DTNB: variants seen among roughly 807,000 people sequenced by gnomAD.
DTNB encodes dystrobrevin beta, also known as DTN-B.
DTNB carries 63 observed loss-of-function variants against 90.7 expected under a neutral mutation model. The observed-to-expected ratio is 0.69, with a 90% CI of 0.57 to 0.86. DTNB has a LOEUF of 0.86. Among genes scored for constraint, DTNB ranks in the 40% least tolerant of loss-of-function variants. The probability of loss-of-function intolerance (pLI) is 0.00; values close to 1 mark genes in which losing one functional copy is unlikely to be tolerated. For synonymous variants in DTNB, 277 were observed against 286.7 expected (o/e 0.97, Z 0.34); for missense variants, 744 against 807.1 (o/e 0.92, Z 0.95).
chr2:25,479,000 T>G lies in DTNB; in HGVS notation c.1079+3796A>C, dbSNP rs2064342426. Among the ~76,000 whole-genome samples the G allele has an allele frequency of 2.0e-5, 3 of 152,232 alleles. No individual in the cohort carries two copies. In the South Asian group the frequency reaches 6.2e-4, roughly 32 times the overall value. On this transcript the variant is annotated intron_variant, in intron 10 of 20. Coordinates refer to ENST00000406818, the MANE Select transcript of DTNB (RefSeq NM_021907.5). ...ATTCCAGCTGCTTTTGTGATCTGTGTACTCTTCTGCCCTTCCCTTTCTGCT... is the reference window on the plus strand; with the variant it reads ...ATTCCAGCTGCTTTTGTGATCTGTGGACTCTTCTGCCCTTCCCTTTCTGCT...
intron 8 of DTNB, among the ~76,000 whole-genome samples, chr2:25,557,653 G>C (rs2057583940): frequency 6.6e-6 from 1 of 152,208 alleles, no homozygotes; most frequent in African/African-American, 2.4e-5. Flanking sequence ...CAAGGGTGAA[G>C]GCCTGGGACT....
chr2:25,533,983 A>C (rs11691124), intron 8 of DTNB, among the ~76,000 whole-genome samples: 2 of 142,338 alleles, frequency 1.4e-5, no homozygotes, highest in Non-Finnish European at 3.0e-5. Context: ...TTGGAAATGC[A>C]GCGTTTATTT....
chr2:25,495,759 C>T (rs1164149636), intron 9 of DTNB, among the ~76,000 whole-genome samples: 1 of 152,116 alleles, frequency 6.6e-6, no homozygotes, highest in Non-Finnish European at 1.5e-5. Context: ...TTTTGGAAAA[C>T]CATGATGTTA....
In DTNB at chr2:25,588,428, T is replaced by C. The variant is rs372969231; in HGVS notation, c.604-7602A>G. Among the ~76,000 whole-genome samples the C allele has an allele frequency of 4.6e-5, 7 of 151,990 alleles. No homozygotes were observed. The East Asian group carries it at 1.2e-3, about 25-fold the overall frequency. ...ATTGCCAGGCTGGAGTGCAGTGGCA[T>C]GATCTCGGCTCACTGCAACCTCTGA... is the stretch of plus-strand genomic sequence containing the variant. On this transcript the variant is annotated intron_variant, in intron 6 of 20. Transcript: ENST00000406818.
intron 3 of DTNB, among the ~76,000 whole-genome samples, chr2:25,632,046 T>C (rs2075864447): frequency 6.6e-6 from 1 of 151,776 alleles, no homozygotes; most frequent in Non-Finnish European, 1.5e-5. Flanking sequence ...AATACAAAAA[T>C]TAGCCAGGTG....
intron 6 of DTNB, among the ~76,000 whole-genome samples, chr2:25,588,956 A>C (rs1278653573): frequency 6.6e-6 from 1 of 152,216 alleles, no homozygotes. Flanking sequence ...CCTTAATTAG[A>C]ATACCTATGA....
Position 25,577,012 on chromosome 2 carries a change from A to T in DTNB, c.710-8T>A. On this transcript the variant is annotated splice_region_variant and splice_polypyrimidine_tract_variant and intron_variant, in intron 7 of 20. Transcript: ENST00000406818. The stretch of plus-strand genomic sequence containing the variant: ...ACTCCACGGGATGGAAGACTTGTGG[A>T]CAGGAGAGAAAAGGGGAGAAAAAAG... 13 of 1,596,092 alleles carry T rather than the reference A, an allele frequency of 8.1e-6. No homozygotes were observed. The highest frequency in any genetic ancestry group is 1.1e-5 in the Non-Finnish European group (13 of 1,170,444).
intron 6 of DTNB, among the ~76,000 whole-genome samples, chr2:25,587,907 T>C (rs2062755477): frequency 6.6e-6 from 1 of 152,156 alleles, no homozygotes; most frequent in African/African-American, 2.4e-5. Flanking sequence ...CCATTATTTT[T>C]TTTTCTACCC....
At chr2:25,529,832 A>C (rs1005216075) in intron 9 of DTNB, among the ~76,000 whole-genome samples, 5 of 152,188 alleles carry the variant, frequency 3.3e-5, no homozygotes, top group East Asian at 3.8e-4. Flanking sequence ...TTAACCCTTG[A>C]TCAATCTCAG....
chr2:25,663,633 T>C (rs1188150448), intron 1 of DTNB, among the ~76,000 whole-genome samples: 2 of 152,214 alleles, frequency 1.3e-5, no homozygotes, highest in Non-Finnish European at 2.9e-5. Context: ...AGCACAGTTC[T>C]CCATATATTT....
intron 8 of DTNB, among the ~76,000 whole-genome samples, chr2:25,566,814 A>G (rs1035203851): frequency 1.3e-5 from 2 of 152,228 alleles, no homozygotes; most frequent in Admixed American, 1.3e-4. Context: ...AGAAATGTGC[A>G]GAGAAGCAGT....
intron 3 of DTNB, among the ~76,000 whole-genome samples, chr2:25,634,918 G>T (rs528645245): frequency 8.5e-6 from 1 of 118,158 alleles, no homozygotes; most frequent in Non-Finnish European, 1.9e-5. Flanking sequence ...CACAAACACT[G>T]CGGAAGGCCG....
chr2:25,429,066 A>T (rs1445125220), intron 14 of DTNB, among the ~76,000 whole-genome samples: 1 of 152,270 alleles, frequency 6.6e-6, no homozygotes, highest in East Asian at 1.9e-4. Context: ...GCCGCTAGCC[A>T]CGCGTGACTA....
Position 25,452,942 on chromosome 2 carries a change from C to T in DTNB, c.1170-1307G>A, listed in dbSNP as rs547822876. Among the ~76,000 whole-genome samples, 9 of 151,714 alleles carry T rather than the reference C, an allele frequency of 5.9e-5. No homozygotes were observed. In the South Asian group the frequency reaches 6.2e-4, roughly 11 times the overall value. On this transcript the variant is annotated intron_variant, in intron 11 of 20. Coordinates refer to ENST00000406818, the MANE Select transcript of DTNB (RefSeq NM_021907.5). Reference sequence around the variant, plus strand: ...GTAATAAGAACAGACTACTATTAGGCGGCTTTAATATTTTAGGGTCAAGGC... The same window carrying T: ...GTAATAAGAACAGACTACTATTAGGTGGCTTTAATATTTTAGGGTCAAGGC...
rs1188102359 is a variant in DTNB at position 25,458,432 on chromosome 2, A to G, written c.1080-2938T>C. Among the ~76,000 whole-genome samples the G allele has an allele frequency of 2.0e-5, 3 of 150,152 alleles. No individual in the cohort carries two copies. In the East Asian group the frequency reaches 5.8e-4, roughly 29 times the overall value. ...CAGTTAAAAAAAAAAAAAGAGAGAG[A>G]GAAATCAACAGTTGTTCTTATCTTT... On this transcript the variant is annotated intron_variant, in intron 10 of 20. Transcript: ENST00000406818.
chr2:25,439,543 TCTCTGTA>T (rs1274251786), intron 12 of DTNB, among the ~76,000 whole-genome samples: 1 of 152,010 alleles, frequency 6.6e-6, no homozygotes, highest in Non-Finnish European at 1.5e-5. Flanking sequence ...TATAGAGAAC[TCTCTGTA>T]CTATCTTTGA....
In DTNB at chr2:25,634,305, C is replaced by T. The variant is rs1391492193; in HGVS notation, c.148+4709G>A. Among the ~76,000 whole-genome samples, 4 of 127,818 alleles carry T rather than the reference C, an allele frequency of 3.1e-5. 1 individual carries two copies. The South Asian group carries it at 7.8e-4, about 25-fold the overall frequency. The allele number at this position is 127,818 out of a possible 152,430, so 83.9% of individuals were successfully genotyped here. The stretch of plus-strand genomic sequence containing the variant: ...GAGGTGGGGGGGTCAGCCCCCCGCC[C>T]GGCCAGCCGCCCCGTCCGGGAGGGA... On this transcript the variant is annotated intron_variant, in intron 3 of 20. Transcript: ENST00000406818.
At chr2:25,427,387 C>T in intron 15 of DTNB, 148 bp downstream of exon 15, 1 of 641,902 alleles carries the variant, frequency 1.6e-6, no homozygotes, top group Non-Finnish European at 2.5e-6. Context: ...GACTTTTATA[C>T]CCAATTAGGC....
intron 1 of DTNB, among the ~76,000 whole-genome samples, chr2:25,667,210 T>G (rs1574259390): frequency 6.6e-6 from 1 of 151,676 alleles, no homozygotes; most frequent in Middle Eastern, 3.5e-3. Context: ...GTAATTTGGC[T>G]GGGTGTGGTG....
Sources: gnomAD v4.1 joint callset for allele counts (sites outside exome capture counted in the v4.1 genomes callset) on GRCh38, gnomAD v4.1.1 for gene constraint, MANE v1.5 for transcripts, NCBI Gene and HGNC (gene_info 2026-07-23, HGNC 2026-07-21) for gene names.